Variants in ZNF131 observed in about 807,000 individuals in gnomAD.
ZNF131 encodes the protein zinc finger protein 131.
ZNF131 carries 7 observed loss-of-function variants against 60.0 expected under a neutral mutation model. The observed-to-expected ratio is 0.12, with a 90% CI of 0.07 to 0.22. ZNF131 has a LOEUF of 0.22. Among genes scored for constraint, ZNF131 ranks in the 10% least tolerant of loss-of-function variants. ZNF131 has a pLI of 1.00. For synonymous variants in ZNF131, 257 were observed against 253.2 expected (o/e 1.01, Z -0.14); for missense variants, 493 against 740.9 (o/e 0.67, Z 3.88).
chr5:43,173,578 A>T, intron 6 of ZNF131, 130 bp downstream of exon 6: 1 of 1,191,166 alleles, frequency 8.4e-7, no homozygotes, highest in Non-Finnish European at 1.1e-6. Context: ...GAGAATAAAG[A>T]ACATTATTGT....
At chr5:43,155,632 C>T (rs541401066) in intron 4 of ZNF131, among the ~76,000 whole-genome samples, 1 of 152,260 alleles carries the variant, frequency 6.6e-6, no homozygotes, top group East Asian at 1.9e-4. Context: ...TGCTGTTTTG[C>T]TTGCAGGTTA....
Position 43,161,674 on chromosome 5 carries a change from G to A in ZNF131, c.797G>A (p.Cys266Tyr), listed in dbSNP as rs767912785. 3.1e-6 allele frequency: 5 copies of A among 1,614,234 alleles called. No homozygotes were observed. The highest frequency in any genetic ancestry group is 1.1e-5 in the South Asian group (1 of 91,092). The change falls in exon 5 of 7, where the codon TGT becomes TAT. Residue 266 changes from cysteine (C) to tyrosine (Y), a missense_variant. Around this residue, in one of 7 missense-constraint regions of ZNF131, gnomAD observed 26 missense variants for 63.3 expected, o/e 0.41. Transcript: ENST00000682664. The part of the protein sequence containing the change: ...HVKDLFHCEK[C>Y]NRSFKLFYHF... ...AAGGACTTGTTCCATTGTGAGAAAT[G>A]TAACCGTTCATTTAAATTGTTTTAC...
At chr5:43,161,111 G>C (rs150678014) in intron 4 of ZNF131, 138 bp from the exon 5 acceptor site, 68 of 729,064 alleles carry the variant, frequency 9.3e-5, no homozygotes, top group Non-Finnish European at 1.4e-4. Context: ...TTTAAGTCTT[G>C]AAATCAGGTA....
chr5:43,122,921 A>G (rs1408002237), intron 2 of ZNF131, among the ~76,000 whole-genome samples: 1 of 152,144 alleles, frequency 6.6e-6, no homozygotes, highest in Non-Finnish European at 1.5e-5. Context: ...GCTTCTCACT[A>G]CTTAATTGGA....
chr5:43,135,720 CA>C (rs1458430306), intron 3 of ZNF131, among the ~76,000 whole-genome samples: 1 of 151,756 alleles, frequency 6.6e-6, no homozygotes, highest in Non-Finnish European at 1.5e-5. Flanking sequence ...GACTCCGTCT[CA>C]AAAAAGAAAA....
intron 5 of ZNF131, 95 bp from the exon 6 acceptor site, chr5:43,173,223 T>C: frequency 1.6e-6 from 2 of 1,277,962 alleles, no homozygotes; most frequent in Non-Finnish European, 2.1e-6. Context: ...GAATTTAGTA[T>C]TAAAATTACC....
chr5:43,133,879 T>C (rs1745677235), intron 3 of ZNF131, among the ~76,000 whole-genome samples: 1 of 152,192 alleles, frequency 6.6e-6, no homozygotes, highest in Non-Finnish European at 1.5e-5. Flanking sequence ...GTAGAGCTTG[T>C]ATCAGTTGTC....
At chr5:43,163,055 T>A (rs1749940777) in intron 5 of ZNF131, among the ~76,000 whole-genome samples, 1 of 131,834 alleles carries the variant, frequency 7.6e-6, no homozygotes, top group Admixed American at 8.4e-5. Flanking sequence ...CACTGTAACC[T>A]CCGCCTCCCG....
intron 3 of ZNF131, among the ~76,000 whole-genome samples, chr5:43,132,195 C>T (rs969433964): frequency 3.3e-5 from 5 of 152,066 alleles, no homozygotes; most frequent in African/African-American, 1.2e-4. Flanking sequence ...TGAAAGACAG[C>T]AAAAGCTAGT....
Position 43,169,725 on chromosome 5 carries a change from CCTTTTCATATGT to C in ZNF131, c.1055-3592_1055-3581del, listed in dbSNP as rs565934968. On this transcript the variant is annotated intron_variant, in intron 5 of 6. Coordinates refer to ENST00000682664, the MANE Select transcript of ZNF131 (RefSeq NM_001330707.2). ...TGTAGTAAGCATACTTGTACATATG[CCTTTTCATATGT>C]TCAAGTAATTTCATTTTTAAGAGCA... 1.3e-3 allele frequency among the ~76,000 whole-genome samples: 203 copies of C among 152,022 alleles called. 4 individuals carry two copies. The South Asian group carries it at 0.041, about 30-fold the overall frequency.
intron 4 of ZNF131, among the ~76,000 whole-genome samples, chr5:43,143,941 G>T (rs1165794345): frequency 2.0e-4 from 14 of 69,826 alleles, no homozygotes; most frequent in African/African-American, 2.2e-4. Context: ...TTTTTTCCTT[G>T]AGACGGAGTC....
In ZNF131 at chr5:43,143,898, C is replaced by CTTTTTTTTTTTT. The variant is rs79246574; in HGVS notation, c.371+4616_371+4627dup. Reference sequence around the variant, plus strand: ...TAGGTTCTCTGGAATATTGTCAGAGCTTTTTTTTTTTTTTTTTTTTTTTTT... The same window carrying CTTTTTTTTTTTT: ...TAGGTTCTCTGGAATATTGTCAGAGCTTTTTTTTTTTTTTTTTTTTTTTTTTTTTTTTTTTTT... On this transcript the variant is annotated intron_variant, in intron 4 of 6. Transcript: ENST00000682664. Among the ~76,000 whole-genome samples, 4 of 34,994 alleles carry CTTTTTTTTTTTT rather than the reference C, an allele frequency of 1.1e-4. 1 individual carries two copies. The highest frequency in any genetic ancestry group is 3.5e-4 in the African/African-American group (3 of 8,544). 23.0% of individuals were successfully genotyped at this position (34,994 alleles called of 152,430 possible).
intron 4 of ZNF131, among the ~76,000 whole-genome samples, chr5:43,142,366 G>C (rs974652887): frequency 7.5e-6 from 1 of 134,112 alleles, no homozygotes; most frequent in African/African-American, 2.7e-5. Flanking sequence ...ACACTGGTGA[G>C]ATCTCGGCTC....
chr5:43,128,668 A>C lies in ZNF131; in HGVS notation c.226+5358A>C, dbSNP rs866690614. 7.5e-4 allele frequency among the ~76,000 whole-genome samples: 113 copies of C among 151,372 alleles called. 1 individual carries two copies. Among genetic ancestry groups the C allele is most frequent in the African/African-American group, 2.5e-3 (105 of 41,392 alleles). ...CGAGACTCCATCTCAAAAAAAAAAA[A>C]AAAAAAAAACACACCTGGGGTGCTC... On this transcript the variant is annotated intron_variant, in intron 3 of 6. Transcript: ENST00000682664.
intron 4 of ZNF131, 151 bp from the exon 5 acceptor site, chr5:43,161,098 A>G (rs1036074404): frequency 1.5e-6 from 1 of 667,298 alleles, no homozygotes; most frequent in African/African-American, 1.8e-5. Flanking sequence ...TAATTACTGT[A>G]GCTTTAAGTC....
At chr5:43,141,222 T>C (rs1164689520) in intron 4 of ZNF131, among the ~76,000 whole-genome samples, 2 of 152,152 alleles carry the variant, frequency 1.3e-5, no homozygotes, top group Non-Finnish European at 2.9e-5. Flanking sequence ...GATAGATGGA[T>C]ACATGCTAAT....
At chr5:43,166,659 G>A (rs1042839126) in intron 5 of ZNF131, among the ~76,000 whole-genome samples, 3 of 148,456 alleles carry the variant, frequency 2.0e-5, no homozygotes, top group South Asian at 2.1e-4. Flanking sequence ...ATGCCCAGCC[G>A]TGACCCTTTT....
chr5:43,162,887 A>G (rs1324958219), intron 5 of ZNF131, among the ~76,000 whole-genome samples: 2 of 145,380 alleles, frequency 1.4e-5, no homozygotes, highest in Non-Finnish European at 3.0e-5. Flanking sequence ...CCTGGGCAAC[A>G]AGGGCAAAAC....
Position 43,175,718 on chromosome 5 carries a change from T to TG in ZNF131, c.*585_*586insG, listed in dbSNP as rs1751501401. The TG allele has an allele frequency of 6.6e-6, 1 of 151,060 alleles. No homozygotes were observed. The highest frequency in any genetic ancestry group is 6.5e-5 in the African/African-American group (1 of 15,270). 9.4% of individuals were successfully genotyped at this position (151,060 alleles called of 1,614,324 possible). ...TGGTGGTGGCAAAATTTCTAGAATG[T>TG]TAAAAAAAAAAAAAAATCCACACCC... On this transcript the variant is annotated 3_prime_UTR_variant, in exon 7 of 7. Transcript: ENST00000682664.
Sources: gnomAD v4.1 joint callset for allele counts (sites outside exome capture counted in the v4.1 genomes callset) on GRCh38, gnomAD v4.1.1 for gene constraint, gnomAD v4.1.1 regional missense constraint, MANE v1.5 for transcripts, NCBI Gene and HGNC (gene_info 2026-07-23, HGNC 2026-07-21) for gene names.